Variants in LMX1A observed in about 807,000 individuals in gnomAD.
LMX1A encodes the protein LIM homeobox transcription factor 1-alpha.
LMX1A carries 15 observed loss-of-function variants against 49.1 expected under a neutral mutation model. That is an observed-to-expected ratio of 0.31 (90% confidence interval 0.20 to 0.47). The LOEUF is 0.47. Ranked by LOEUF, LMX1A falls within the 20% of genes least tolerant of loss-of-function variation. The pLI, the probability that LMX1A is intolerant of heterozygous loss-of-function variation, is 1.00. For synonymous variants in LMX1A, 167 were observed against 185.7 expected, an observed-to-expected ratio of 0.90 and a Z score of 0.82; for missense variants, 372 against 475.8, an observed-to-expected ratio of 0.78 and a Z score of 2.03.
intron 3 of LMX1A, among the ~76,000 whole-genome samples, chr1:165,329,390 T>C (rs552313583): frequency 1.3e-5 from 2 of 151,030 alleles, no homozygotes; most frequent in Admixed American, 1.3e-4. Context: ...AGAGGAGATG[T>C]GCAAATACAC....
Position 165,350,391 on chromosome 1 carries a change from A to G in LMX1A, c.263+2685T>C, listed in dbSNP as rs114578159. Among the ~76,000 whole-genome samples the G allele has an allele frequency of 7.2e-3, 1,096 of 152,338 alleles. 14 individuals are homozygous for G. The highest frequency in any genetic ancestry group is 0.025 in the African/African-American group (1,023 of 41,568). On this transcript the variant is annotated intron_variant, in intron 3 of 8. Coordinates refer to ENST00000342310, the MANE Select transcript of LMX1A (RefSeq NM_177398.4). Reference sequence around the variant, plus strand: ...TTGAGAAATACTTGATGGCAAGGACAACACAGATGCAAAAAGTGTTGAGCT... The same window carrying G: ...TTGAGAAATACTTGATGGCAAGGACGACACAGATGCAAAAAGTGTTGAGCT...
chr1:165,283,960 C>A (rs188707746), intron 3 of LMX1A, among the ~76,000 whole-genome samples: 6 of 152,316 alleles, frequency 3.9e-5, no homozygotes, highest in African/African-American at 1.4e-4. Flanking sequence ...TACTCATGGC[C>A]TGGACTGGCA....
chr1:165,290,141 C>A (rs915530232), intron 3 of LMX1A, among the ~76,000 whole-genome samples: 7 of 152,212 alleles, frequency 4.6e-5, no homozygotes, highest in African/African-American at 7.2e-5. Context: ...CTCCCCTATT[C>A]ATTTCATTGA....
chr1:165,241,859 G>A (rs1161526629), intron 4 of LMX1A, among the ~76,000 whole-genome samples: 1 of 152,148 alleles, frequency 6.6e-6, no homozygotes, highest in African/African-American at 2.4e-5. Context: ...GTCTAAATAC[G>A]AGCAGTGGAG....
intron 3 of LMX1A, among the ~76,000 whole-genome samples, chr1:165,352,150 T>A (rs1272911399): frequency 6.6e-6 from 1 of 152,236 alleles, no homozygotes; most frequent in African/African-American, 2.4e-5. Flanking sequence ...TTACACCTCC[T>A]AAGCTCCTCC....
intron 3 of LMX1A, among the ~76,000 whole-genome samples, chr1:165,269,988 T>C (rs936747212): frequency 3.9e-5 from 6 of 152,096 alleles, no homozygotes; most frequent in African/African-American, 7.2e-5. Context: ...CAAACCACCA[T>C]GGCACACGTT....
At chr1:165,258,644 CAGA>C (rs1331946256) in intron 3 of LMX1A, among the ~76,000 whole-genome samples, 1 of 152,172 alleles carries the variant, frequency 6.6e-6, no homozygotes, top group African/African-American at 2.4e-5. Context: ...CTGCACGTCC[CAGA>C]GGCTCCGCAA....
At chr1:165,267,735 G>A (rs1317419320) in intron 3 of LMX1A, among the ~76,000 whole-genome samples, 1 of 152,166 alleles carries the variant, frequency 6.6e-6, no homozygotes, top group East Asian at 1.9e-4. Flanking sequence ...ATATTTCAAG[G>A]GAACGGGAGT....
intron 3 of LMX1A, among the ~76,000 whole-genome samples, chr1:165,269,350 C>T (rs560813008): frequency 6.6e-6 from 1 of 152,182 alleles, no homozygotes; most frequent in Non-Finnish European, 1.5e-5. Flanking sequence ...GCAGGAACTG[C>T]CCCTGCACCA....
intron 4 of LMX1A, among the ~76,000 whole-genome samples, chr1:165,230,538 A>G (rs1451269087): frequency 6.6e-6 from 1 of 152,202 alleles, no homozygotes; most frequent in Non-Finnish European, 1.5e-5. Context: ...GGGCTGAGGT[A>G]AGCGGAACCA....
chr1:165,210,198 T>C (rs1337405255), intron 6 of LMX1A, among the ~76,000 whole-genome samples: 2 of 152,124 alleles, frequency 1.3e-5, no homozygotes, highest in Non-Finnish European at 2.9e-5. Flanking sequence ...GGTCTAAAAC[T>C]AAAACCATGA....
chr1:165,207,555 C>CCACT (rs1163974096), intron 7 of LMX1A: 1 of 152,544 alleles, frequency 6.6e-6, no homozygotes, highest in East Asian at 1.9e-4. Flanking sequence ...AACAACTTCT[C>CCACT]CACTCGCCTC....
At chr1:165,293,486 T>G (rs1189268025) in intron 3 of LMX1A, among the ~76,000 whole-genome samples, 3 of 152,238 alleles carry the variant, frequency 2.0e-5, no homozygotes, top group Non-Finnish European at 4.4e-5. Flanking sequence ...TCCAGCTCTG[T>G]AAGGCTGTGA....
intron 5 of LMX1A, among the ~76,000 whole-genome samples, chr1:165,212,151 T>G (rs1223123086): frequency 1.3e-5 from 2 of 152,200 alleles, no homozygotes; most frequent in Non-Finnish European, 2.9e-5. Context: ...ATATCAGAAG[T>G]TGTGATAGGC....
At chr1:165,246,512 A>G (rs1652853843) in intron 4 of LMX1A, among the ~76,000 whole-genome samples, 2 of 152,138 alleles carry the variant, frequency 1.3e-5, no homozygotes, top group South Asian at 4.1e-4. Context: ...CTATCTCTTG[A>G]GTAGTTTTAC....
At chr1:165,247,630 A>T (rs72637217) in intron 4 of LMX1A, among the ~76,000 whole-genome samples, 4,711 of 152,310 alleles carry the variant, frequency 0.031, 137 homozygotes, top group East Asian at 0.15. Context: ...GCAAGAACTA[A>T]CCTGGAGGTA....
intron 4 of LMX1A, among the ~76,000 whole-genome samples, chr1:165,246,527 T>TGTTA (rs1228707546): frequency 6.6e-6 from 1 of 152,240 alleles, no homozygotes; most frequent in Non-Finnish European, 1.5e-5. Context: ...TTTTACTCTT[T>TGTTA]GTTAGATCTA....
At chr1:165,341,122 G>GGCT (rs1359487548) in intron 3 of LMX1A, among the ~76,000 whole-genome samples, 1 of 152,094 alleles carries the variant, frequency 6.6e-6, no homozygotes, top group African/African-American at 2.4e-5. Flanking sequence ...AATCCCTGCT[G>GGCT]GCTGCCTACT....
chr1:165,281,079 C>T (rs1355755484), intron 3 of LMX1A, among the ~76,000 whole-genome samples: 1 of 152,162 alleles, frequency 6.6e-6, no homozygotes, highest in South Asian at 2.1e-4. Context: ...TCCTTGCTAA[C>T]TCTGTGACCT....
Sources: allele counts gnomAD v4.1 joint callset (sites outside exome capture counted in the v4.1 genomes callset), GRCh38; gene constraint gnomAD v4.1.1; transcripts MANE v1.5; gene names NCBI Gene and HGNC (gene_info 2026-07-23, HGNC 2026-07-21).